SKAP2: variants seen among roughly 807,000 people sequenced by gnomAD.
SKAP2 encodes src kinase-associated phosphoprotein 2.
SKAP2 carries 28 observed loss-of-function variants against 54.9 expected under a neutral mutation model. The observed-to-expected ratio is 0.51, with a 90% CI of 0.38 to 0.70. The LOEUF (loss-of-function observed/expected upper bound fraction) is 0.70. Ranked by LOEUF, SKAP2 falls within the 30% of genes least tolerant of loss-of-function variation. The probability of loss-of-function intolerance (pLI) is 0.00; values close to 1 mark genes in which losing one functional copy is unlikely to be tolerated. For synonymous variants in SKAP2, 137 were observed against 134.3 expected, an observed-to-expected ratio of 1.02 and a Z score of -0.14; for missense variants, 356 against 424.1, an observed-to-expected ratio of 0.84 and a Z score of 1.41.
chr7:26,672,754 A>G (rs964626980), intron 11 of SKAP2, among the ~76,000 whole-genome samples: 2 of 152,008 alleles, frequency 1.3e-5, no homozygotes, highest in Non-Finnish European at 2.9e-5. Flanking sequence ...CAAATACAGG[A>G]GCTTTTTACT....
At chr7:26,803,161 C>T (rs1783951409) in intron 4 of SKAP2, among the ~76,000 whole-genome samples, 1 of 152,052 alleles carries the variant, frequency 6.6e-6, no homozygotes, top group African/African-American at 2.4e-5. Flanking sequence ...GCAAAGAATA[C>T]AATCAACAAA....
At chr7:26,738,478 T>C (rs755051728) in intron 6 of SKAP2, among the ~76,000 whole-genome samples, 79 of 152,328 alleles carry the variant, frequency 5.2e-4, no homozygotes, top group Non-Finnish European at 9.0e-4. Context: ...CAACCCTATG[T>C]TCTTAACTTT....
intron 4 of SKAP2, among the ~76,000 whole-genome samples, chr7:26,768,518 T>C (rs561814662): frequency 2.8e-4 from 43 of 152,344 alleles, no homozygotes; most frequent in African/African-American, 9.9e-4. Context: ...GCTGGTTATT[T>C]TGCCCATTAG....
intron 4 of SKAP2, among the ~76,000 whole-genome samples, chr7:26,813,058 T>C (rs910311690): frequency 2.0e-5 from 3 of 152,192 alleles, no homozygotes; most frequent in Admixed American, 1.3e-4. Flanking sequence ...TCTAATCTTA[T>C]ATAAAAACTA....
rs576099705 is a variant in SKAP2 at position 26,767,909 on chromosome 7, A to T, written c.308-27945T>A. ...TGTGGTCAATTTTAGAATAAGTGCA[A>T]TGTGGTGCTGAGAAGAATGTATATT... On this transcript the variant is annotated intron_variant, in intron 4 of 12. Transcript: ENST00000345317. 8.5e-5 allele frequency among the ~76,000 whole-genome samples: 13 copies of T among 152,288 alleles called. No individual in the cohort carries two copies. In the South Asian group the frequency reaches 1.9e-3, roughly 22 times the overall value.
At chr7:26,738,312 G>A (rs148601190) in intron 6 of SKAP2, among the ~76,000 whole-genome samples, 194 of 152,182 alleles carry the variant, frequency 1.3e-3, no homozygotes, top group African/African-American at 4.5e-3. Context: ...TGCTTAGAAC[G>A]GTGCCCAGTA....
At chr7:26,724,277 T>C (rs1290880991) in intron 9 of SKAP2, among the ~76,000 whole-genome samples, 3 of 152,144 alleles carry the variant, frequency 2.0e-5, no homozygotes, top group East Asian at 3.8e-4. Flanking sequence ...ACAAAAATGA[T>C]GGTGATGTTA....
intron 4 of SKAP2, among the ~76,000 whole-genome samples, chr7:26,820,598 A>G (rs1784367417): frequency 6.6e-6 from 1 of 152,166 alleles, no homozygotes; most frequent in East Asian, 1.9e-4. Context: ...CGATTCACCC[A>G]AATAAAAAAG....
At position 26,678,442 on chromosome 7, in the gene SKAP2, C is replaced by CTT. The variant is rs931425488; in HGVS notation, c.987+6292_987+6293dup. ...TTTATTACAATTTTAACTGGTTGTT[C>CTT]TTTTTTTTTTTTTTTTTGAGATGGA... On this transcript the variant is annotated intron_variant, in intron 11 of 12. Coordinates refer to ENST00000345317, the MANE Select transcript of SKAP2 (RefSeq NM_003930.5). Among the ~76,000 whole-genome samples the CTT allele has an allele frequency of 1.7e-3, 221 of 133,816 alleles. 3 individuals are homozygous for CTT. Among genetic ancestry groups the CTT allele is most frequent in the African/African-American group, 5.8e-3 (207 of 35,884 alleles). The allele number at this position is 133,816 out of a possible 152,430, so 87.8% of individuals were successfully genotyped here.
At chr7:26,814,831 T>C (rs887074674) in intron 4 of SKAP2, among the ~76,000 whole-genome samples, 1 of 152,176 alleles carries the variant, frequency 6.6e-6, no homozygotes. Context: ...CAAAATGAAC[T>C]GCTTCATATG....
At chr7:26,757,458 G>C (rs1308660669) in intron 4 of SKAP2, among the ~76,000 whole-genome samples, 1 of 152,084 alleles carries the variant, frequency 6.6e-6, no homozygotes, top group Admixed American at 6.6e-5. Context: ...GTTTTTGTCA[G>C]GTTTGTCAAA....
chr7:26,778,846 A>G (rs1264782383), intron 4 of SKAP2, among the ~76,000 whole-genome samples: 1 of 151,790 alleles, frequency 6.6e-6, no homozygotes, highest in East Asian at 1.9e-4. Context: ...TTCCTCTCCA[A>G]TATTTGATAT....
Position 26,670,157 on chromosome 7 carries a change from C to T in SKAP2, c.1023G>A (p.Met341Ile), listed in dbSNP as rs1177581750. The T allele has an allele frequency of 6.3e-7, 1 of 1,581,338 alleles. No individual in the cohort carries two copies. The highest frequency in any genetic ancestry group is 2.2e-5 in the East Asian group (1 of 44,694). ...TAGGCACCAAGCCAATGGCTCCCTT[C>T]ATTTCTCCTACCCACCAGCCATATC... is the stretch of plus-strand genomic sequence containing the variant. ...YNRYGWWVGE[M>I]KGAIGLVPKA... Residue 341 changes from methionine to isoleucine, a missense_variant, in exon 12 of 13, where the codon ATG (methionine) becomes ATA (isoleucine). By Grantham distance (10) the Met-to-Ile change is conservative. Coordinates refer to ENST00000345317, the MANE Select transcript of SKAP2 (RefSeq NM_003930.5).
intron 4 of SKAP2, among the ~76,000 whole-genome samples, chr7:26,809,006 G>C (rs1784083215): frequency 6.6e-6 from 1 of 152,178 alleles, no homozygotes; most frequent in Non-Finnish European, 1.5e-5. Flanking sequence ...AGAGTGAAGA[G>C]ACAGCCTATG....
chr7:26,808,111 G>A (rs1313442455), intron 4 of SKAP2, among the ~76,000 whole-genome samples: 1 of 152,124 alleles, frequency 6.6e-6, no homozygotes, highest in Non-Finnish European at 1.5e-5. Context: ...AGGTTTAGGG[G>A]TAATCTGCTA....
At chr7:26,699,456 T>C (rs1448419163) in intron 9 of SKAP2, among the ~76,000 whole-genome samples, 1 of 152,182 alleles carries the variant, frequency 6.6e-6, no homozygotes, top group Non-Finnish European at 1.5e-5. Flanking sequence ...AAATAGGTTA[T>C]GTACAGATGT....
intron 9 of SKAP2, among the ~76,000 whole-genome samples, chr7:26,715,979 T>C (rs1178288718): frequency 6.6e-6 from 1 of 152,232 alleles, no homozygotes; most frequent in African/African-American, 2.4e-5. Context: ...GAGTTGGCTC[T>C]TAATTAAATT....
At chr7:26,718,840 G>A (rs1471401994) in intron 9 of SKAP2, among the ~76,000 whole-genome samples, 2 of 151,566 alleles carry the variant, frequency 1.3e-5, no homozygotes, top group East Asian at 2.0e-4. Context: ...GAATATTTAA[G>A]CTTATTCCAG....
downstream of SKAP2, among the ~76,000 whole-genome samples, chr7:26,665,561 C>T (rs1291241642): frequency 1.3e-5 from 2 of 152,196 alleles, no homozygotes; most frequent in African/African-American, 4.8e-5. Flanking sequence ...ATAATGTGTA[C>T]CATGCTGGCA....
Sources: gnomAD v4.1 joint callset for allele counts (sites outside exome capture counted in the v4.1 genomes callset) on GRCh38, gnomAD v4.1.1 for gene constraint, MANE v1.5 for transcripts, NCBI Gene and HGNC (gene_info 2026-07-23, HGNC 2026-07-21) for gene names.